The following FIGN variants were observed in gnomAD, a reference collection of about 807,000 sequenced individuals.
The protein encoded by FIGN is fidgetin, microtubule severing factor, also known as fidgetin.
In FIGN, 11 loss-of-function variants were observed where a neutral mutation model predicts 51.3. The ratio of observed to expected loss-of-function variants is 0.21; its 90% CI spans 0.13 to 0.35. FIGN has a LOEUF of 0.35. Among genes scored for constraint, FIGN ranks in the 10% least tolerant of loss-of-function variants. The pLI, the probability that FIGN is intolerant of heterozygous loss-of-function variation, is 1.00. For missense variants in FIGN, 857 were observed against 943.6 expected, an observed-to-expected ratio of 0.91 and a Z score of 1.20; for synonymous variants, 407 against 363.2, an observed-to-expected ratio of 1.12 and a Z score of -1.37.
rs1438253177 is a variant in FIGN, at chr2:163,610,379, A to G, written c.1453T>C (p.Trp485Arg). The change falls in exon 3 of 3, where the codon TGG becomes CGG. Residue 485 changes from tryptophan (W) to arginine (R), a missense_variant. Around this residue, in one of 3 missense-constraint regions of FIGN, gnomAD observed 799 missense variants for 849.5 expected, o/e 0.94. Transcript: ENST00000333129. ...AGGTCGAGACCAGCAATGTCATTCC[A>G]GTCCACTGGAGGTCCTTGGGTGATA... ...EIITQGPPVD[W>R]NDIAGLDLVK... is the part of the protein sequence containing the mutation. 3.1e-6 allele frequency: 5 copies of G among 1,614,040 alleles called. No homozygotes were observed. In the East Asian group the frequency reaches 6.7e-5, roughly 22 times the overall value.
In FIGN at chr2:163,629,751, G is replaced by C. The variant is rs527941033; in HGVS notation, c.26-17945C>G. The stretch of plus-strand genomic sequence containing the variant: ...GCCCACATATCTAGAAATATTTACC[G>C]TCTATCCCTTGCCAGGAAGTCTACC... On this transcript the variant is annotated intron_variant, in intron 2 of 2. Transcript: ENST00000333129. Among the ~76,000 whole-genome samples the C allele has an allele frequency of 1.8e-4, 27 of 152,082 alleles. No individual in the cohort carries two copies. In the South Asian group the frequency reaches 5.4e-3, roughly 30 times the overall value.
intron 2 of FIGN, among the ~76,000 whole-genome samples, chr2:163,681,364 AC>A (rs1684058958): frequency 6.6e-6 from 1 of 152,124 alleles, no homozygotes; most frequent in Non-Finnish European, 1.5e-5. Context: ...TGACACCACA[AC>A]TTTTCTCTCT....
At chr2:163,652,355 CACACAA>C (rs1176775736) in intron 2 of FIGN, among the ~76,000 whole-genome samples, 2,335 of 132,552 alleles carry the variant, frequency 0.018, 56 homozygotes, top group African/African-American at 0.047. Flanking sequence ...CACACACACA[CACACAA>C]ACACACACAC....
At chr2:163,621,900 A>C (rs1446790743) in intron 2 of FIGN, among the ~76,000 whole-genome samples, 2 of 152,222 alleles carry the variant, frequency 1.3e-5, no homozygotes, top group East Asian at 3.9e-4. Context: ...AAACAGGAGG[A>C]GAGACTGCAA....
chr2:163,696,547 T>C (rs778200613), intron 2 of FIGN, among the ~76,000 whole-genome samples: 5 of 152,180 alleles, frequency 3.3e-5, no homozygotes, highest in African/African-American at 7.2e-5. Flanking sequence ...AGATTCAACA[T>C]TAATTTTGAG....
At chr2:163,712,555 T>C (rs1032971801) in intron 2 of FIGN, among the ~76,000 whole-genome samples, 1 of 152,206 alleles carries the variant, frequency 6.6e-6, no homozygotes, top group African/African-American at 2.4e-5. Flanking sequence ...AGTGCTATTT[T>C]AAAGGCAACA....
rs1158351707 is a variant in FIGN at position 163,605,767 on chromosome 2, A to G, written c.*3785T>C. The G allele has an allele frequency of 6.6e-6, 1 of 152,068 alleles. No homozygotes were observed. Among genetic ancestry groups the G allele is most frequent in the East Asian group, 1.9e-4 (1 of 5,194 alleles). The allele number at this position is 152,068 out of a possible 1,614,324, so 9.4% of individuals were successfully genotyped here. A position where few individuals can be genotyped will look rare whatever the true frequency, so the allele number is the denominator to read the frequency against. On this transcript the variant is annotated 3_prime_UTR_variant, in exon 3 of 3. Transcript: ENST00000333129. ...TTCTAAGAAACATGAGAATGTGAGT[A>G]CAGAAGTCTCTTTCTGCTTGGAGTT... is the stretch of plus-strand genomic sequence containing the variant.
At chr2:163,647,945 TG>T (rs1683408611) in intron 2 of FIGN, among the ~76,000 whole-genome samples, 1 of 151,656 alleles carries the variant, frequency 6.6e-6, no homozygotes. Context: ...GGAGACAAGG[TG>T]TAATAGATAG....
chr2:163,669,791 C>A (rs187283631), intron 2 of FIGN, among the ~76,000 whole-genome samples: 37 of 152,266 alleles, frequency 2.4e-4, no homozygotes, highest in African/African-American at 8.7e-4. Context: ...AAGATGTTAG[C>A]CTCTATTTCC....
intron 2 of FIGN, among the ~76,000 whole-genome samples, chr2:163,679,563 G>A (rs1684026675): frequency 6.6e-6 from 1 of 151,850 alleles, no homozygotes. Context: ...ACCAGCTTTA[G>A]TCAAGCATTG....
chr2:163,635,753 A>G (rs891994608), intron 2 of FIGN, among the ~76,000 whole-genome samples: 1 of 152,188 alleles, frequency 6.6e-6, no homozygotes, highest in African/African-American at 2.4e-5. Context: ...TAGAGGGCAC[A>G]GACTGATATT....
intron 2 of FIGN, among the ~76,000 whole-genome samples, chr2:163,647,485 CAG>C (rs1201616928): frequency 9.2e-5 from 14 of 152,118 alleles, no homozygotes; most frequent in African/African-American, 3.4e-4. Flanking sequence ...GAAAGAAAAA[CAG>C]AGCTTGAAAA....
At chr2:163,655,936 G>A (rs945228429) in intron 2 of FIGN, among the ~76,000 whole-genome samples, 2 of 152,108 alleles carry the variant, frequency 1.3e-5, no homozygotes, top group Non-Finnish European at 2.9e-5. Flanking sequence ...GACTGAGCTA[G>A]GGAGTCTTTC....
At chr2:163,658,559 C>T (rs1468091345) in intron 2 of FIGN, among the ~76,000 whole-genome samples, 1 of 152,126 alleles carries the variant, frequency 6.6e-6, no homozygotes, top group East Asian at 1.9e-4. Flanking sequence ...CAGGCTGCTT[C>T]CACTCATGGT....
intron 2 of FIGN, among the ~76,000 whole-genome samples, chr2:163,638,247 A>C (rs2105314961): frequency 6.6e-6 from 1 of 152,108 alleles, no homozygotes; most frequent in East Asian, 1.9e-4. Flanking sequence ...AATCTTTAAA[A>C]GATCAAGACA....
At chr2:163,671,661 AC>A (rs1683879658) in intron 2 of FIGN, among the ~76,000 whole-genome samples, 1 of 152,198 alleles carries the variant, frequency 6.6e-6, no homozygotes, top group African/African-American at 2.4e-5. Flanking sequence ...TCAAAATTTC[AC>A]TTTTCTAGGT....
At chr2:163,614,847 C>T (rs1411933567) in intron 2 of FIGN, among the ~76,000 whole-genome samples, 1 of 151,786 alleles carries the variant, frequency 6.6e-6, no homozygotes, top group Non-Finnish European at 1.5e-5. Flanking sequence ...AGGTGGGAAC[C>T]CCCCACCTGT....
chr2:163,656,915 C>T (rs146376821), intron 2 of FIGN, among the ~76,000 whole-genome samples: 99 of 152,224 alleles, frequency 6.5e-4, no homozygotes, highest in Non-Finnish European at 9.7e-4. Context: ...ATGTTTCCAG[C>T]TGTTGGCTAC....
chr2:163,652,390 T>A (rs1402750740), intron 2 of FIGN, among the ~76,000 whole-genome samples: 3 of 101,896 alleles, frequency 2.9e-5, no homozygotes, highest in Non-Finnish European at 6.1e-5. Flanking sequence ...ACACACACAC[T>A]TTCACTAAAT....
Sources: allele counts gnomAD v4.1 joint callset (sites outside exome capture counted in the v4.1 genomes callset), GRCh38; gene constraint gnomAD v4.1.1; regional missense constraint gnomAD v4.1.1; transcripts MANE v1.5; gene names NCBI Gene and HGNC (gene_info 2026-07-23, HGNC 2026-07-21).